RAP1A: variants seen among roughly 807,000 people sequenced by gnomAD.
RAP1A encodes ras-related protein Rap-1A.
Under a neutral mutation model 26.4 loss-of-function variants are expected in RAP1A, and 6 were observed. The ratio of observed to expected loss-of-function variants is 0.23; its 90% CI spans 0.12 to 0.45. The LOEUF is 0.45. Ranked by LOEUF, RAP1A falls within the 20% of genes least tolerant of loss-of-function variation. The pLI is 0.99. For synonymous variants in RAP1A, 73 were observed against 79.4 expected (o/e 0.92, Z 0.43); for missense variants, 121 against 217.2 (o/e 0.56, Z 2.78).
At chr1:111,659,527 CTTA>C (rs1361153156) in intron 1 of RAP1A, among the ~76,000 whole-genome samples, 4 of 134,708 alleles carry the variant, frequency 3.0e-5, no homozygotes, top group Admixed American at 2.2e-4. Flanking sequence ...TTTTTTTTCT[CTTA>C]TTATTATACC....
chr1:111,696,505 G>T (rs189497074), intron 3 of RAP1A, among the ~76,000 whole-genome samples: 73 of 152,270 alleles, frequency 4.8e-4, no homozygotes, highest in Middle Eastern at 3.4e-3. Flanking sequence ...ATAAGTGGTG[G>T]GGTGGATGAG....
At chr1:111,646,433 A>AC (rs1292022057) in intron 1 of RAP1A, among the ~76,000 whole-genome samples, 6 of 132,256 alleles carry the variant, frequency 4.5e-5, no homozygotes, top group South Asian at 2.2e-4. Context: ...AAAAAAAAAA[A>AC]ACAAAACAAA....
At chr1:111,699,807 CTG>C (rs1352060890) in intron 4 of RAP1A, among the ~76,000 whole-genome samples, 1 of 151,962 alleles carries the variant, frequency 6.6e-6, no homozygotes, top group South Asian at 2.1e-4. Context: ...TCGTTACAAC[CTG>C]TAGTCCATTT....
upstream of RAP1A, among the ~76,000 whole-genome samples, chr1:111,616,273 C>G (rs138593253): frequency 6.6e-6 from 1 of 152,312 alleles, no homozygotes; most frequent in African/African-American, 2.4e-5. Context: ...ATTGGTTTAT[C>G]TCCTCCTGCA....
At chr1:111,559,619 A>G (rs747157275) in intron 1 of RAP1A, among the ~76,000 whole-genome samples, 6 of 152,232 alleles carry the variant, frequency 3.9e-5, no homozygotes, top group Admixed American at 3.3e-4. Context: ...CAATGACACA[A>G]ACTATATTTT....
At chr1:111,679,123 G>C (rs148677133) in intron 1 of RAP1A, among the ~76,000 whole-genome samples, 2 of 152,100 alleles carry the variant, frequency 1.3e-5, no homozygotes, top group African/African-American at 4.8e-5. Context: ...GAACAGCTCC[G>C]GTCTGCAGCT....
Position 111,646,666 on chromosome 1 carries a change from G to A in RAP1A, c.-28+26732G>A, listed in dbSNP as rs533275739. 5.3e-5 allele frequency among the ~76,000 whole-genome samples: 8 copies of A among 151,812 alleles called. No homozygotes were observed. In the East Asian group the frequency reaches 1.2e-3, roughly 22 times the overall value. On this transcript the variant is annotated intron_variant, in intron 1 of 7. Coordinates refer to ENST00000369709, the MANE Select transcript of RAP1A (RefSeq NM_002884.4). ...CGCCATTCTCCTGCCTCAGCCTCCC[G>A]AGTAGCTGGGACTACAGGTGCCCGC... is the stretch of plus-strand genomic sequence containing the variant.
At chr1:111,705,311 C>G (rs190217510) in intron 6 of RAP1A, among the ~76,000 whole-genome samples, 367 of 152,308 alleles carry the variant, frequency 2.4e-3, no homozygotes, top group Non-Finnish European at 4.0e-3. Context: ...AGTCAGAATT[C>G]AGATCACTTA....
At chr1:111,606,139 A>G (rs988281771) in intron 1 of RAP1A, among the ~76,000 whole-genome samples, 2 of 152,200 alleles carry the variant, frequency 1.3e-5, no homozygotes, top group African/African-American at 4.8e-5. Context: ...GAGACCCTTG[A>G]CCTGAAGGGT....
At chr1:111,573,062 C>G (rs541140251) in intron 1 of RAP1A, among the ~76,000 whole-genome samples, 2 of 152,162 alleles carry the variant, frequency 1.3e-5, no homozygotes, top group African/African-American at 4.8e-5. Context: ...ATCCATGTTC[C>G]TGCAAAGGAC....
intron 4 of RAP1A, among the ~76,000 whole-genome samples, chr1:111,697,905 T>G (rs770736815): frequency 6.6e-6 from 1 of 152,148 alleles, no homozygotes; most frequent in Non-Finnish European, 1.5e-5. Context: ...TGGTGACAGA[T>G]ACATGTTTTC....
chr1:111,619,427 C>G (rs143973401), upstream of RAP1A, among the ~76,000 whole-genome samples: 43 of 152,340 alleles, frequency 2.8e-4, no homozygotes, highest in African/African-American at 1.0e-3. Flanking sequence ...CTTTGCCTGT[C>G]TATGACTTTA....
intron 1 of RAP1A, among the ~76,000 whole-genome samples, chr1:111,557,692 C>A (rs1657556908): frequency 6.6e-6 from 1 of 151,964 alleles, no homozygotes; most frequent in Non-Finnish European, 1.5e-5. Context: ...GTTTGAGATG[C>A]TAGAAGGGAT....
At chr1:111,680,171 A>C (rs973601746) in intron 1 of RAP1A, among the ~76,000 whole-genome samples, 1 of 152,192 alleles carries the variant, frequency 6.6e-6, no homozygotes, top group African/African-American at 2.4e-5. Flanking sequence ...GAATGAAGCC[A>C]CGGACCTTCA....
chr1:111,694,416 C>A (rs1886498), intron 2 of RAP1A, among the ~76,000 whole-genome samples: 19,680 of 152,104 alleles, frequency 0.13, 1,615 homozygotes, highest in South Asian at 0.18. Flanking sequence ...GTGTAGATGA[C>A]CTCAGTCCAC....
At chr1:111,642,700 G>C (rs1659931372) in intron 1 of RAP1A, among the ~76,000 whole-genome samples, 1 of 151,494 alleles carries the variant, frequency 6.6e-6, no homozygotes, top group Non-Finnish European at 1.5e-5. Flanking sequence ...TGTTAGCCAG[G>C]ATGGTTTCGA....
intron 1 of RAP1A, among the ~76,000 whole-genome samples, chr1:111,679,622 G>T (rs1661233602): frequency 6.6e-6 from 1 of 152,154 alleles, no homozygotes; most frequent in Non-Finnish European, 1.5e-5. Flanking sequence ...TGCTCAGCAG[G>T]TCCCAACCCC....
chr1:111,632,553 A>G (rs1659597882), intron 1 of RAP1A, among the ~76,000 whole-genome samples: 3 of 152,150 alleles, frequency 2.0e-5, no homozygotes, highest in Admixed American at 2.0e-4. Context: ...GAGAAATGAA[A>G]TTGATGGAAT....
intron 1 of RAP1A, among the ~76,000 whole-genome samples, chr1:111,588,860 T>G (rs1459530762): frequency 6.6e-6 from 1 of 152,230 alleles, no homozygotes; most frequent in Non-Finnish European, 1.5e-5. Context: ...CTGAAGGTGT[T>G]AAAAATATTA....
Sources: gnomAD v4.1 joint callset for allele counts (sites outside exome capture counted in the v4.1 genomes callset) on GRCh38, gnomAD v4.1.1 for gene constraint, MANE v1.5 for transcripts, NCBI Gene and HGNC (gene_info 2026-07-23, HGNC 2026-07-21) for gene names.